The following EPB41 variants were observed in gnomAD, a reference collection of about 807,000 sequenced individuals.
EPB41 encodes protein 4.1.
Under a neutral mutation model 108.0 loss-of-function variants are expected in EPB41, and 65 were observed. That is an observed-to-expected ratio of 0.60 (90% confidence interval 0.49 to 0.74). The LOEUF (loss-of-function observed/expected upper bound fraction) is 0.74. EPB41 is among the 30% of genes least tolerant of loss of function. The pLI is 0.00. For synonymous variants in EPB41, 336 were observed against 358.9 expected (o/e 0.94, Z 0.72); for missense variants, 875 against 1,037.0 (o/e 0.84, Z 2.15).
In EPB41 at chr1:29,112,426, A is replaced by T. The variant is rs372284952; in HGVS notation, c.2474A>T (p.Asp825Val). 1.2e-6 allele frequency: 2 copies of T among 1,613,852 alleles called. No homozygotes were observed. Among genetic ancestry groups the T allele is most frequent in the African/African-American group, 2.7e-5 (2 of 74,876 alleles). Residue 825 changes from aspartate to valine, a missense_variant, in exon 19 of 21, where the codon GAT becomes GTT. Coordinates refer to ENST00000343067, the MANE Select transcript of EPB41 (RefSeq NM_001376013.1). ...GAAAAGAGAATTGTGATCACAGGAGATGCTGATATTGACCATGATCAGGTG... is the reference window on the plus strand; with the variant it reads ...GAAAAGAGAATTGTGATCACAGGAGTTGCTGATATTGACCATGATCAGGTG... ...RIEKRIVITG[D>V]ADIDHDQVLV...
intron 3 of EPB41, 115 bp downstream of exon 3, chr1:28,993,657 CTT>C (rs932117775): frequency 0.016 from 8,595 of 537,962 alleles, no homozygotes; most frequent in Middle Eastern, 0.025. Context: ...TTTCTTTTTT[CTT>C]TTTTTTTTTT....
intron 15 of EPB41, among the ~76,000 whole-genome samples, chr1:29,061,572 GTTTTT>G (rs34413393): frequency 4.7e-5 from 3 of 64,050 alleles, no homozygotes; most frequent in South Asian, 7.7e-4. Flanking sequence ...CCTGGCCTTT[GTTTTT>G]TTTTTTTTTT....
At chr1:28,889,772 G>A in intron 1 of EPB41, 1 of 984,218 alleles carries the variant, frequency 1.0e-6, no homozygotes, top group Non-Finnish European at 1.2e-6. Context: ...CTGAGCCCAG[G>A]TGTGGAACCA....
intron 1 of EPB41, among the ~76,000 whole-genome samples, chr1:28,961,184 A>G (rs996529813): frequency 6.6e-6 from 1 of 152,126 alleles, no homozygotes; most frequent in African/African-American, 2.4e-5. Context: ...TGACAAACAA[A>G]CTTGTTAGAA....
At chr1:28,941,528 T>A (rs2094284975) in intron 1 of EPB41, among the ~76,000 whole-genome samples, 1 of 152,250 alleles carries the variant, frequency 6.6e-6, no homozygotes, top group African/African-American at 2.4e-5. Flanking sequence ...TGTCAAATGT[T>A]ACCTAAGCTG....
chr1:28,921,880 A>T (rs901915825), intron 1 of EPB41, among the ~76,000 whole-genome samples: 2 of 147,862 alleles, frequency 1.4e-5, no homozygotes, highest in African/African-American at 2.5e-5. Flanking sequence ...GAAAATCCAC[A>T]TAGTATACTT....
intron 12 of EPB41, among the ~76,000 whole-genome samples, chr1:29,056,403 T>G (rs1645457498): frequency 6.6e-6 from 1 of 152,174 alleles, no homozygotes; most frequent in South Asian, 2.1e-4. Context: ...TAGAGATAGC[T>G]TTTTGTTGGC....
At chr1:28,986,528 C>T (rs573936278) in intron 1 of EPB41, among the ~76,000 whole-genome samples, 89 of 152,298 alleles carry the variant, frequency 5.8e-4, no homozygotes, top group African/African-American at 2.0e-3. Flanking sequence ...ATAAGTTTTT[C>T]TTCTCTATCT....
In EPB41 at chr1:29,034,961, T is replaced by G. The variant is rs557023959; in HGVS notation, c.1366-865T>G. ...ACAATGTATACGTGTTTCTTGGGTT[T>G]GTTTGTTTGTTGTTTTTTTTTTTTT... On this transcript the variant is annotated intron_variant, in intron 9 of 20. Coordinates refer to ENST00000343067, the MANE Select transcript of EPB41 (RefSeq NM_001376013.1). Among the ~76,000 whole-genome samples, 28 of 147,718 alleles carry G rather than the reference T, an allele frequency of 1.9e-4. No homozygotes were observed. In the East Asian group the frequency reaches 4.6e-3, roughly 24 times the overall value.
chr1:29,070,312 G>C, intron 16 of EPB41: 1 of 1,195,178 alleles, frequency 8.4e-7, no homozygotes. Context: ...TTTTCCATCT[G>C]TCATTTTGTT....
rs2089619542 is a variant in EPB41, at chr1:28,887,820, C to T, written c.-8+610C>T. Reference sequence around the variant, plus strand: ...CCACACCCTCCCTGCCAGGCTTGGTCTAGGGGACTTCCCTCTGTCTGGGTC... The same window carrying T: ...CCACACCCTCCCTGCCAGGCTTGGTTTAGGGGACTTCCCTCTGTCTGGGTC... On this transcript the variant is annotated intron_variant, in intron 1 of 16. Transcript: ENST00000347529. The surrounding 1 kb of genome is among the most constrained non-coding windows in gnomAD (Gnocchi z 4.9). 1 of 326,248 alleles carries T rather than the reference C, an allele frequency of 3.1e-6. No homozygotes were observed. Among genetic ancestry groups the T allele is most frequent in the Admixed American group, 6.5e-5 (1 of 15,484 alleles). 20.2% of individuals were successfully genotyped at this position (326,248 alleles called of 1,614,324 possible). A position where few individuals can be genotyped will look rare whatever the true frequency, so the allele number is the denominator to read the frequency against.
chr1:29,024,016 G>C (rs572374891), intron 7 of EPB41, among the ~76,000 whole-genome samples: 127 of 152,132 alleles, frequency 8.3e-4, no homozygotes, highest in African/African-American at 3.0e-3. Context: ...ACAGTATATA[G>C]TGAGAGTTCA....
intron 1 of EPB41, among the ~76,000 whole-genome samples, chr1:28,942,357 T>A (rs2094322101): frequency 6.6e-6 from 1 of 152,222 alleles, no homozygotes; most frequent in Non-Finnish European, 1.5e-5. Flanking sequence ...TGACCTGTGC[T>A]TCTGACCAAC....
At chr1:29,036,254 A>ATTTTT (rs71022387) in intron 10 of EPB41, among the ~76,000 whole-genome samples, 2 of 106,352 alleles carry the variant, frequency 1.9e-5, no homozygotes, top group African/African-American at 7.0e-5. Context: ...TCCACGTGTG[A>ATTTTT]TTTTTTTTTT....
At chr1:28,888,184 G>A (rs2089669985) in intron 1 of EPB41, among the ~76,000 whole-genome samples, 1 of 152,238 alleles carries the variant, frequency 6.6e-6, no homozygotes, top group African/African-American at 2.4e-5. Flanking sequence ...CTCCGCCTCT[G>A]GAGCCCTTTC....
intron 9 of EPB41, among the ~76,000 whole-genome samples, chr1:29,035,127 G>A (rs886995744): frequency 2.6e-5 from 4 of 151,624 alleles, no homozygotes; most frequent in African/African-American, 9.7e-5. Flanking sequence ...AATTACAGGC[G>A]CGTGCCACCA....
intron 1 of EPB41, among the ~76,000 whole-genome samples, chr1:28,930,473 C>CTG (rs200564607): frequency 7.4e-5 from 11 of 149,578 alleles, no homozygotes; most frequent in East Asian, 2.0e-4. Context: ...TGGCCCTGAA[C>CTG]TGTGTGTGTG....
chr1:28,977,339 T>TA (rs963408349), intron 1 of EPB41, among the ~76,000 whole-genome samples: 24 of 148,992 alleles, frequency 1.6e-4, no homozygotes, highest in Non-Finnish European at 2.4e-4. Context: ...TACAGAGATG[T>TA]AAAAAAAAAT....
intron 1 of EPB41, among the ~76,000 whole-genome samples, chr1:28,964,146 C>T (rs1013995345): frequency 1.8e-4 from 27 of 152,144 alleles, no homozygotes; most frequent in African/African-American, 6.3e-4. Flanking sequence ...TATTTAACAT[C>T]GTCTAATGGC....
Sources: allele counts gnomAD v4.1 joint callset (sites outside exome capture counted in the v4.1 genomes callset), GRCh38; gene constraint gnomAD v4.1.1; non-coding constraint Gnocchi (gnomAD v3.1); transcripts MANE v1.5; gene names NCBI Gene and HGNC (gene_info 2026-07-23, HGNC 2026-07-21).